The following ZNF804A variants were observed in gnomAD, a reference collection of about 807,000 sequenced individuals.
ZNF804A encodes zinc finger protein 804A.
ZNF804A carries 2 observed loss-of-function variants against 16.5 expected under a neutral mutation model. That is an observed-to-expected ratio of 0.12 (90% CI 0.05 to 0.38). The LOEUF is 0.38. ZNF804A is among the 10% of genes least tolerant of loss of function. The pLI is 0.99. For missense variants in ZNF804A, 1,473 were observed against 1,390.7 expected (o/e 1.06, Z -0.94); for synonymous variants, 534 against 489.6 (o/e 1.09, Z -1.20).
chr2:184,909,518 C>T (rs1296544084), intron 2 of ZNF804A, among the ~76,000 whole-genome samples: 4 of 151,998 alleles, frequency 2.6e-5, no homozygotes, highest in African/African-American at 9.6e-5. Flanking sequence ...AATGAAATGT[C>T]ATCATATTTA....
chr2:184,742,731 A>T (rs993410021), intron 1 of ZNF804A, among the ~76,000 whole-genome samples: 1 of 150,948 alleles, frequency 6.6e-6, no homozygotes, highest in African/African-American at 2.4e-5. Context: ...TAGATAAATA[A>T]ATATATATAT....
At chr2:184,924,109 C>A (rs1248378926) in intron 2 of ZNF804A, among the ~76,000 whole-genome samples, 1 of 150,970 alleles carries the variant, frequency 6.6e-6, no homozygotes, top group Non-Finnish European at 1.5e-5. Flanking sequence ...GGAAGTATTC[C>A]CTTCTTATTT....
At position 184,936,799 on chromosome 2, in the gene ZNF804A, A is replaced by G. The variant is rs947001811; in HGVS notation, c.1403A>G (p.Lys468Arg). ...NPLCFDFKST[K>R]VNNNLDKNKP... is the part of the protein sequence containing the mutation. ...CTATGTTTTGACTTCAAGTCTACTA[A>G]AGTAAATAATAATCTAGATAAAAAT... The change falls in exon 4 of 4, where the codon AAA (lysine) becomes AGA (arginine). Residue 468 changes from lysine to arginine, a missense_variant. Lys to Arg is a conservative substitution (Grantham distance 26, BLOSUM62 2). Coordinates refer to ENST00000302277, the MANE Select transcript of ZNF804A (RefSeq NM_194250.2). The G allele has an allele frequency of 1.9e-6, 3 of 1,613,556 alleles. No individual in the cohort carries two copies. The South Asian group carries it at 3.3e-5, about 18-fold the overall frequency.
At chr2:184,795,130 A>G (rs1469808012) in intron 1 of ZNF804A, among the ~76,000 whole-genome samples, 1 of 152,144 alleles carries the variant, frequency 6.6e-6, no homozygotes, top group Non-Finnish European at 1.5e-5. Flanking sequence ...TCTATTCAAC[A>G]GTGCATGGAA....
At chr2:184,662,489 C>T (rs73978039) in intron 1 of ZNF804A, among the ~76,000 whole-genome samples, 4,787 of 152,138 alleles carry the variant, frequency 0.031, 259 homozygotes, top group African/African-American at 0.11. Context: ...ATTTGAGAAA[C>T]GTATCATCAA....
chr2:184,605,078 T>C (rs528662890), intron 1 of ZNF804A, among the ~76,000 whole-genome samples: 226 of 152,224 alleles, frequency 1.5e-3, no homozygotes, highest in African/African-American at 5.1e-3. Context: ...TGGGAAATGG[T>C]TTATTAAAAG....
intron 1 of ZNF804A, among the ~76,000 whole-genome samples, chr2:184,776,590 G>A (rs980815683): frequency 6.6e-6 from 1 of 151,072 alleles, no homozygotes. Flanking sequence ...AAATTTGTCT[G>A]AGACACCTTC....
chr2:184,829,028 A>C (rs979803184), intron 1 of ZNF804A, among the ~76,000 whole-genome samples: 3 of 151,788 alleles, frequency 2.0e-5, no homozygotes, highest in African/African-American at 4.8e-5. Context: ...ATAAGGAGAT[A>C]ATTGAATACA....
At chr2:184,797,446 A>G (rs1007703200) in intron 1 of ZNF804A, among the ~76,000 whole-genome samples, 1 of 151,950 alleles carries the variant, frequency 6.6e-6, no homozygotes, top group African/African-American at 2.4e-5. Context: ...AAGAATAGCT[A>G]CCCCTGCTTG....
chr2:184,936,264 A>C lies in ZNF804A; in HGVS notation c.868A>C (p.Thr290Pro), dbSNP rs1169195377. The C allele has an allele frequency of 1.2e-6, 2 of 1,613,876 alleles. No homozygotes were observed. Among genetic ancestry groups the C allele is most frequent in the Admixed American group, 1.7e-5 (1 of 59,946 alleles). The change falls in exon 4 of 4, where the codon ACT (threonine) becomes CCT (proline). Residue 290 changes from threonine (T) to proline (P), a missense_variant. Physicochemically the swap from Thr to Pro is conservative, Grantham distance 38 (BLOSUM62 -1). Transcript: ENST00000302277. ...AGAGGCAATGTGCAGAGACAAAGAA[A>C]CTGTTCAAACTCAAGAGATAAAAGA... ...PPEAMCRDKE[T>P]VQTQEIKEVS...
At chr2:184,729,942 A>G (rs1447983782) in intron 1 of ZNF804A, among the ~76,000 whole-genome samples, 3 of 152,118 alleles carry the variant, frequency 2.0e-5, no homozygotes, top group Non-Finnish European at 1.5e-5. Flanking sequence ...GCCTGTCCCA[A>G]ACACTCATGG....
At chr2:184,833,232 T>C (rs1056409319) in intron 1 of ZNF804A, among the ~76,000 whole-genome samples, 6 of 152,040 alleles carry the variant, frequency 3.9e-5, no homozygotes, top group Admixed American at 3.3e-4. Flanking sequence ...CTGTGTTACA[T>C]GTTAGTCATT....
At chr2:184,891,389 A>G (rs1364266575) in intron 2 of ZNF804A, among the ~76,000 whole-genome samples, 2 of 152,156 alleles carry the variant, frequency 1.3e-5, no homozygotes, top group Non-Finnish European at 2.9e-5. Flanking sequence ...CCATTACATT[A>G]TACCAATGTT....
intron 1 of ZNF804A, among the ~76,000 whole-genome samples, chr2:184,607,976 C>T (rs1048745843): frequency 9.5e-6 from 1 of 105,326 alleles, no homozygotes; most frequent in Non-Finnish European, 1.7e-5. Flanking sequence ...GACGGAGTCT[C>T]GCTCTGTCGC....
chr2:184,732,280 T>A (rs1032760679), intron 1 of ZNF804A, among the ~76,000 whole-genome samples: 2 of 152,238 alleles, frequency 1.3e-5, no homozygotes, highest in African/African-American at 4.8e-5. Flanking sequence ...AATATCCAGT[T>A]GTACTAGCAT....
intron 2 of ZNF804A, among the ~76,000 whole-genome samples, chr2:184,917,452 G>T (rs1379654780): frequency 6.7e-6 from 1 of 149,578 alleles, no homozygotes; most frequent in Non-Finnish European, 1.5e-5. Context: ...AGGATAAAAA[G>T]AAAAACAAAT....
Position 184,938,985 on chromosome 2 carries a change from T to G in ZNF804A, c.3589T>G (p.Ser1197Ala). 6.2e-7 allele frequency: 1 copy of G among 1,614,022 alleles called. No individual in the cohort carries two copies. Among genetic ancestry groups the G allele is most frequent in the Non-Finnish European group, 8.5e-7 (1 of 1,179,990 alleles). ...LPHALFPSLL[S>A]PHPTVIPLQP... The stretch of plus-strand genomic sequence containing the variant: ...CCATGCACTCTTTCCTTCACTGCTT[T>G]CCCCACACCCTACTGTCATCCCTTT... The change falls in exon 4 of 4, where the codon TCC (serine) becomes GCC (alanine). Residue 1197 changes from serine (S) to alanine (A), a missense_variant. By Grantham distance (99) the Ser-to-Ala change is moderately conservative. Coordinates refer to ENST00000302277, the MANE Select transcript of ZNF804A (RefSeq NM_194250.2).
rs537257404 is a variant in ZNF804A at position 184,749,799 on chromosome 2, A to G, written c.112-116570A>G. ...ATGGGTTCCAATGAAGTTAAATAAC[A>G]TTGCATTCAAGTAAAACTGCTAAAG... On this transcript the variant is annotated intron_variant, in intron 1 of 3. Coordinates refer to ENST00000302277, the MANE Select transcript of ZNF804A (RefSeq NM_194250.2). Among the ~76,000 whole-genome samples, 6 of 151,388 alleles carry G rather than the reference A, an allele frequency of 4.0e-5. No individual in the cohort carries two copies. In the South Asian group the frequency reaches 1.2e-3, roughly 31 times the overall value.
chr2:184,644,473 C>G (rs1691841889), intron 1 of ZNF804A, among the ~76,000 whole-genome samples: 2 of 151,276 alleles, frequency 1.3e-5, no homozygotes, highest in South Asian at 4.2e-4. Flanking sequence ...AAAAGTCATC[C>G]TGGTGATATA....
Sources: allele counts gnomAD v4.1 joint callset (sites outside exome capture counted in the v4.1 genomes callset), GRCh38; gene constraint gnomAD v4.1.1; transcripts MANE v1.5; gene names NCBI Gene and HGNC (gene_info 2026-07-23, HGNC 2026-07-21).